Variants in ZFYVE28 observed in about 807,000 individuals in gnomAD.
ZFYVE28 encodes the protein zinc finger FYVE-type containing 28.
Under a neutral mutation model 82.1 loss-of-function variants are expected in ZFYVE28, and 40 were observed. The ratio of observed to expected loss-of-function variants is 0.49; its 90% CI spans 0.38 to 0.63. ZFYVE28 has a LOEUF of 0.63. ZFYVE28 is among the 30% of genes least tolerant of loss of function. ZFYVE28 has a pLI of 0.00. For missense variants in ZFYVE28, 1,321 were observed against 1,242.1 expected (o/e 1.06, Z -0.96); for synonymous variants, 612 against 546.1 (o/e 1.12, Z -1.68).
chr4:2,355,802 C>G (rs1051319939), intron 1 of ZFYVE28, among the ~76,000 whole-genome samples: 3 of 152,220 alleles, frequency 2.0e-5, no homozygotes, highest in South Asian at 2.1e-4. Flanking sequence ...GTCTTGAACT[C>G]CTGGCCTGAA....
chr4:2,393,517 G>A (rs890036149), intron 1 of ZFYVE28, among the ~76,000 whole-genome samples: 5 of 152,078 alleles, frequency 3.3e-5, no homozygotes, highest in East Asian at 1.9e-4. Flanking sequence ...CCTGCCCCTC[G>A]GCCGCTTGCA....
At chr4:2,275,024 C>T (rs148225845) in intron 8 of ZFYVE28, among the ~76,000 whole-genome samples, 358 of 152,286 alleles carry the variant, frequency 2.4e-3, no homozygotes, top group Non-Finnish European at 3.9e-3. Context: ...ATCCCCCCGC[C>T]CCCACCTACA....
At chr4:2,294,518 T>C (rs7693437) in intron 8 of ZFYVE28, among the ~76,000 whole-genome samples, 92,724 of 152,048 alleles carry the variant, frequency 0.61, 29,098 homozygotes, top group African/African-American at 0.72. Flanking sequence ...AGAAAAAAAT[T>C]TTTGTGACTG....
chr4:2,364,860 C>G, intron 1 of ZFYVE28: 1 of 985,510 alleles, frequency 1.0e-6, no homozygotes, highest in Non-Finnish European at 1.2e-6. Flanking sequence ...CACGTCGCCG[C>G]GGCAAAGTCG....
intron 5 of ZFYVE28, among the ~76,000 whole-genome samples, chr4:2,336,641 G>T (rs941333388): frequency 6.8e-6 from 1 of 147,064 alleles, no homozygotes; most frequent in African/African-American, 2.5e-5. Context: ...GACTGGGGAG[G>T]TGGGGAGTGA....
intron 1 of ZFYVE28, among the ~76,000 whole-genome samples, chr4:2,378,752 A>G (rs1728425129): frequency 2.0e-5 from 3 of 152,158 alleles, no homozygotes; most frequent in African/African-American, 7.2e-5. Flanking sequence ...CCCAACCACG[A>G]ATTTTGGAGC....
At position 2,271,671 on chromosome 4, in the gene ZFYVE28, A is replaced by G. The variant is rs1297153713; in HGVS notation, c.2428+4T>C. 1.9e-6 allele frequency: 3 copies of G among 1,613,498 alleles called. No homozygotes were observed. Among genetic ancestry groups the G allele is most frequent in the Non-Finnish European group, 2.5e-6 (3 of 1,179,862 alleles). On this transcript the variant is annotated splice_donor_region_variant and intron_variant, in intron 11 of 12. Transcript: ENST00000290974. ...AGTGTCCTGACCCAGAGCCTCCCAC[A>G]CACCTTCAAAGTCCCCATCGCGGGT...
Position 2,339,494 on chromosome 4 carries a change from C to T in ZFYVE28, c.480G>A (p.Ala160=), listed in dbSNP as rs147695607. 1.4e-5 allele frequency: 23 copies of T among 1,613,902 alleles called. No individual in the cohort carries two copies. Among genetic ancestry groups the T allele is most frequent in the Non-Finnish European group, 1.9e-5 (22 of 1,180,012 alleles). ...CGAACAGGACGTCGAAGTGCCTCAGCGCTTCCCTCATCTTCTCTGTGTAGG... is the reference window on the plus strand; with the variant it reads ...CGAACAGGACGTCGAAGTGCCTCAGTGCTTCCCTCATCTTCTCTGTGTAGG... ...LNTYTEKMRE[A]LRHFDVLFAE... Residue 160 remains alanine (A), a synonymous_variant, in exon 4 of 13, where the codon GCG becomes GCA. Transcript: ENST00000290974. The surrounding 1 kb of genome is among the most constrained non-coding windows in gnomAD (Gnocchi z 5.0).
intron 6 of ZFYVE28, among the ~76,000 whole-genome samples, chr4:2,323,603 T>G (rs1719420458): frequency 6.6e-6 from 1 of 152,042 alleles, no homozygotes; most frequent in Non-Finnish European, 1.5e-5. Flanking sequence ...GCAGGTTAGT[T>G]ACATATGTAT....
intron 1 of ZFYVE28, chr4:2,406,406 G>C (rs1731922482): frequency 6.6e-6 from 1 of 152,284 alleles, no homozygotes. Flanking sequence ...AGAAGGGGCT[G>C]CCCGAGAGCT....
At chr4:2,290,682 C>T (rs915668720) in intron 8 of ZFYVE28, among the ~76,000 whole-genome samples, 7 of 152,330 alleles carry the variant, frequency 4.6e-5, no homozygotes, top group Non-Finnish European at 7.3e-5. Flanking sequence ...CGGCCTCACC[C>T]CTCTCCTGCT....
At position 2,398,643 on chromosome 4, in the gene ZFYVE28, C is replaced by CG. The variant is rs796263694; in HGVS notation, c.39+19641dup. ...GTGGGGCAAGATCCAGCACACAAGG[C>CG]GGGGGCGAGATCGAGGGTACGAGGA... On this transcript the variant is annotated intron_variant, in intron 1 of 12. Coordinates refer to ENST00000290974, the MANE Select transcript of ZFYVE28 (RefSeq NM_020972.3). Among the ~76,000 whole-genome samples, 4 of 133,428 alleles carry CG rather than the reference C, an allele frequency of 3.0e-5. No individual in the cohort carries two copies. The South Asian group carries it at 1.0e-3, about 33-fold the overall frequency. 87.5% of individuals were successfully genotyped at this position (133,428 alleles called of 152,430 possible). A position where few individuals can be genotyped will look rare whatever the true frequency, so the allele number is the denominator to read the frequency against.
chr4:2,302,523 C>G (rs58973398), intron 8 of ZFYVE28, among the ~76,000 whole-genome samples: 3,246 of 152,350 alleles, frequency 0.021, 217 homozygotes, highest in East Asian at 0.2. Context: ...CCCACATCCA[C>G]AGCTGCCTGG....
chr4:2,418,180 G>T lies in ZFYVE28; in HGVS notation c.39+105C>A. ...ATGTCGGCGGTGGGGGAAGAGGCCG[G>T]CCACGGACAGGGAAAGGGAGTCCGT... On this transcript the variant is annotated intron_variant, in intron 1 of 12. Coordinates refer to ENST00000290974, the MANE Select transcript of ZFYVE28 (RefSeq NM_020972.3). This position sits in a 1 kb window ranked among gnomAD's most constrained non-coding sequence, Gnocchi z 4.6. 1 of 1,109,512 alleles carries T rather than the reference G, an allele frequency of 9.0e-7. No homozygotes were observed. The highest frequency in any genetic ancestry group is 1.2e-6 in the Non-Finnish European group (1 of 811,234). 68.7% of individuals were successfully genotyped at this position (1,109,512 alleles called of 1,614,324 possible). A position where few individuals can be genotyped will look rare whatever the true frequency, so the allele number is the denominator to read the frequency against.
At chr4:2,391,455 C>CTTTTTTTTTTTTTTTTTTT (rs140103966) in intron 1 of ZFYVE28, among the ~76,000 whole-genome samples, 1 of 117,224 alleles carries the variant, frequency 8.5e-6, no homozygotes, top group Non-Finnish European at 1.7e-5. Context: ...GGTCAATTAT[C>CTTTTTTTTTTTTTTTTTTT]TTTTTTTTTT....
chr4:2,398,198 C>T (rs1328872694), intron 1 of ZFYVE28, among the ~76,000 whole-genome samples: 2 of 152,108 alleles, frequency 1.3e-5, no homozygotes, highest in African/African-American at 4.8e-5. Context: ...CACAGGAGGC[C>T]GCATGGGTGG....
chr4:2,387,905 G>A (rs2108921411), intron 1 of ZFYVE28, among the ~76,000 whole-genome samples: 1 of 152,352 alleles, frequency 6.6e-6, no homozygotes, highest in South Asian at 2.1e-4. Flanking sequence ...CAGGACCCCT[G>A]AGCCTGGGAA....
intron 1 of ZFYVE28, among the ~76,000 whole-genome samples, chr4:2,363,006 C>T (rs1298497693): frequency 9.9e-6 from 1 of 100,742 alleles, no homozygotes; most frequent in Non-Finnish European, 2.3e-5. Flanking sequence ...CCCCGTGGTC[C>T]CCTCAACCCC....
chr4:2,326,784 G>A (rs1453162832), intron 6 of ZFYVE28, among the ~76,000 whole-genome samples: 2 of 152,008 alleles, frequency 1.3e-5, no homozygotes, highest in African/African-American at 2.4e-5. Flanking sequence ...TTATTTCTTT[G>A]TAGCTATTGT....
Sources: gnomAD v4.1 joint callset for allele counts (sites outside exome capture counted in the v4.1 genomes callset) on GRCh38, gnomAD v4.1.1 for gene constraint, Gnocchi (gnomAD v3.1) non-coding constraint, MANE v1.5 for transcripts, NCBI Gene and HGNC (gene_info 2026-07-23, HGNC 2026-07-21) for gene names.